Variants in FAF2 observed in about 807,000 individuals in gnomAD.
FAF2 encodes FAS-associated factor 2.
A neutral mutation model predicts 62.3 loss-of-function variants in FAF2; 9 were observed. The ratio of observed to expected loss-of-function variants is 0.14; its 90% CI spans 0.09 to 0.25. The LOEUF is 0.25. Among genes scored for constraint, FAF2 ranks in the 10% least tolerant of loss-of-function variants. The pLI is 1.00. For missense variants in FAF2, 368 were observed against 556.2 expected, an observed-to-expected ratio of 0.66 and a Z score of 3.40; for synonymous variants, 202 against 198.0, an observed-to-expected ratio of 1.02 and a Z score of -0.17.
chr5:176,500,921 G>GTT lies in FAF2; in HGVS notation c.1155+777_1155+778dup, dbSNP rs1429391136. 3.3e-5 allele frequency among the ~76,000 whole-genome samples: 5 copies of GTT among 152,312 alleles called. No homozygotes were observed. The South Asian group carries it at 6.2e-4, about 19-fold the overall frequency. On this transcript the variant is annotated intron_variant, in intron 10 of 10. Coordinates refer to ENST00000261942, the MANE Select transcript of FAF2 (RefSeq NM_014613.3). The stretch of plus-strand genomic sequence containing the variant: ...GTAGGTGGATCATTTGAGGTCAGGA[G>GTT]TTTGAGACCAGCCTGGCCAACATGG...
intron 1 of FAF2, among the ~76,000 whole-genome samples, chr5:176,449,506 C>T (rs2113710529): frequency 6.6e-6 from 1 of 151,902 alleles, no homozygotes; most frequent in African/African-American, 2.4e-5. Flanking sequence ...ACCCGGGAGG[C>T]GGAGGTTGCA....
At chr5:176,473,615 T>C (rs1460538574) in intron 1 of FAF2, among the ~76,000 whole-genome samples, 2 of 152,236 alleles carry the variant, frequency 1.3e-5, no homozygotes, top group African/African-American at 4.8e-5. Flanking sequence ...AGGTAAAATA[T>C]CTATATAAGT....
rs748089180 is a variant in FAF2 at position 176,498,983 on chromosome 5, T to C, written c.909T>C (p.Ala303=). The change falls in exon 9 of 11, where the codon GCT becomes GCC. Residue 303 remains alanine (A), a synonymous_variant. Transcript: ENST00000261942. The part of the protein sequence containing the change: ...QDEAYLASLR[A]DQEKERKKRE... ...AGGCCTACCTGGCCTCTCTCAGAGC[T>C]GACCAGGAGAAAGAAAGAAAGAAAC... is the stretch of plus-strand genomic sequence containing the variant. 7 of 1,613,376 alleles carry C rather than the reference T, an allele frequency of 4.3e-6. No homozygotes were observed. The highest frequency in any genetic ancestry group is 5.9e-6 in the Non-Finnish European group (7 of 1,179,520).
intron 1 of FAF2, 112 bp downstream of exon 1, chr5:176,448,582 C>G (rs1758109311): frequency 1.0e-5 from 11 of 1,054,094 alleles, no homozygotes; most frequent in Non-Finnish European, 1.5e-5. Context: ...GACCAGCAGG[C>G]CGGCCCCCTC....
chr5:176,455,672 CT>C (rs1260285120), intron 1 of FAF2, among the ~76,000 whole-genome samples: 1 of 151,890 alleles, frequency 6.6e-6, no homozygotes, highest in Non-Finnish European at 1.5e-5. Flanking sequence ...TTGCTTGAAC[CT>C]GGGAGGCAGA....
At chr5:176,460,773 A>G (rs1758364898) in intron 1 of FAF2, among the ~76,000 whole-genome samples, 1 of 151,990 alleles carries the variant, frequency 6.6e-6, no homozygotes, top group Non-Finnish European at 1.5e-5. Flanking sequence ...CAACATTGCA[A>G]GACCCCAACT....
intron 7 of FAF2, among the ~76,000 whole-genome samples, chr5:176,495,392 A>G (rs913432140): frequency 3.9e-5 from 6 of 152,150 alleles, no homozygotes; most frequent in African/African-American, 1.2e-4. Flanking sequence ...GAGGTTGTGA[A>G]TAGAAGGAAG....
chr5:176,486,519 C>G, intron 3 of FAF2, 30 bp downstream of exon 3: 2 of 1,611,630 alleles, frequency 1.2e-6, no homozygotes, highest in Non-Finnish European at 1.7e-6. Flanking sequence ...GGATTTCCCC[C>G]TTTTTTATTT....
At chr5:176,460,190 A>G (rs1353902508) in intron 1 of FAF2, among the ~76,000 whole-genome samples, 2 of 152,184 alleles carry the variant, frequency 1.3e-5, no homozygotes, top group Non-Finnish European at 2.9e-5. Flanking sequence ...GCTGTGATCA[A>G]CATATGAGTG....
chr5:176,469,194 G>A (rs1386843424), intron 1 of FAF2, among the ~76,000 whole-genome samples: 4 of 151,664 alleles, frequency 2.6e-5, no homozygotes, highest in African/African-American at 9.7e-5. Context: ...GCAGTGGGCC[G>A]AGATCACACC....
chr5:176,500,997 C>T (rs1289917516), intron 10 of FAF2, among the ~76,000 whole-genome samples: 3 of 151,904 alleles, frequency 2.0e-5, no homozygotes, highest in Non-Finnish European at 4.4e-5. Context: ...CGTGGTGGCA[C>T]GTGCCTGTAA....
At chr5:176,505,906 C>T (rs1011309465) in intron 10 of FAF2, among the ~76,000 whole-genome samples, 10 of 151,984 alleles carry the variant, frequency 6.6e-5, no homozygotes, top group South Asian at 2.1e-4. Context: ...CGGTGGCTCA[C>T]GCCTGTAATC....
intron 1 of FAF2, among the ~76,000 whole-genome samples, chr5:176,466,810 GAAGTAGGA>G (rs1354370041): frequency 6.8e-6 from 1 of 148,076 alleles, no homozygotes. Context: ...GACCAAAGCT[GAAGTAGGA>G]AAGTAGTATA....
At chr5:176,470,348 C>A (rs921505961) in intron 1 of FAF2, among the ~76,000 whole-genome samples, 1 of 152,182 alleles carries the variant, frequency 6.6e-6, no homozygotes, top group African/African-American at 2.4e-5. Context: ...GAGGCCGAGG[C>A]GGGCGGATCA....
chr5:176,494,043 T>C lies in FAF2; in HGVS notation c.528T>C (p.Tyr176=). 2.5e-6 allele frequency: 4 copies of C among 1,614,108 alleles called. No homozygotes were observed. Among genetic ancestry groups the C allele is most frequent in the Non-Finnish European group, 3.4e-6 (4 of 1,179,984 alleles). Residue 176 remains tyrosine (Y), a synonymous_variant, in exon 6 of 11, where the codon TAT becomes TAC. Transcript: ENST00000261942. This position sits in a 1 kb window ranked among gnomAD's most constrained non-coding sequence, Gnocchi z 4.0. ...GGGAGCTTCGCTTTCTTTTGGTTTA[T>C]CTTCATGGAGATGATCACCAGGACT... ...AKRELRFLLV[Y]LHGDDHQDSD...
chr5:176,463,635 A>T (rs575086162), intron 1 of FAF2, among the ~76,000 whole-genome samples: 1 of 151,734 alleles, frequency 6.6e-6, no homozygotes, highest in South Asian at 2.1e-4. Flanking sequence ...TTTTATTTAC[A>T]TTTTACCAGT....
At chr5:176,504,595 G>A (rs1010184159) in intron 10 of FAF2, among the ~76,000 whole-genome samples, 3 of 151,906 alleles carry the variant, frequency 2.0e-5, no homozygotes, top group African/African-American at 7.3e-5. Flanking sequence ...AAAAAAAAAG[G>A]TATTTTTTTC....
At chr5:176,462,543 G>T (rs1454080392) in intron 1 of FAF2, among the ~76,000 whole-genome samples, 1 of 151,938 alleles carries the variant, frequency 6.6e-6, no homozygotes, top group African/African-American at 2.4e-5. Flanking sequence ...AGAATCACTC[G>T]AACCCGGGAG....
At chr5:176,458,461 G>T (rs1259004269) in intron 1 of FAF2, among the ~76,000 whole-genome samples, 5 of 118,660 alleles carry the variant, frequency 4.2e-5, no homozygotes, top group Non-Finnish European at 8.0e-5. Flanking sequence ...CCACGCTGGA[G>T]TGCGGTGGCT....
Sources: gnomAD v4.1 joint callset for allele counts (sites outside exome capture counted in the v4.1 genomes callset) on GRCh38, gnomAD v4.1.1 for gene constraint, Gnocchi (gnomAD v3.1) non-coding constraint, MANE v1.5 for transcripts, NCBI Gene and HGNC (gene_info 2026-07-23, HGNC 2026-07-21) for gene names.